ADGRB3: variants seen among roughly 807,000 people sequenced by gnomAD.
The protein encoded by ADGRB3 is adhesion G protein-coupled receptor B3.
ADGRB3 carries 37 observed loss-of-function variants against 193.4 expected under a neutral mutation model. The ratio of observed to expected loss-of-function variants is 0.19; its 90% CI spans 0.15 to 0.25. ADGRB3 has a LOEUF of 0.25. Among genes scored for constraint, ADGRB3 ranks in the 10% least tolerant of loss-of-function variants. The probability of loss-of-function intolerance (pLI) is 1.00; values close to 1 mark genes in which losing one functional copy is unlikely to be tolerated. For missense variants in ADGRB3, 1,637 were observed against 1,852.9 expected (o/e 0.88, Z 2.14); for synonymous variants, 690 against 644.2 (o/e 1.07, Z -1.08).
At chr6:69,077,787 T>G (rs1280002220) in intron 17 of ADGRB3, among the ~76,000 whole-genome samples, 1 of 151,908 alleles carries the variant, frequency 6.6e-6, no homozygotes, top group Admixed American at 6.6e-5. Context: ...GGAGAGGAAA[T>G]GTGTTTAGTT....
At chr6:68,661,429 A>G (rs368887224) in intron 3 of ADGRB3, among the ~76,000 whole-genome samples, 2 of 106,448 alleles carry the variant, frequency 1.9e-5, no homozygotes, top group South Asian at 3.2e-4. Context: ...ATATATGTGT[A>G]TACATATATA....
At chr6:68,822,453 T>A (rs1340109630) in intron 3 of ADGRB3, among the ~76,000 whole-genome samples, 1 of 151,968 alleles carries the variant, frequency 6.6e-6, no homozygotes, top group East Asian at 1.9e-4. Context: ...TTGTTCCACT[T>A]GAAATACCTA....
At chr6:68,821,784 T>A (rs1767752415) in intron 3 of ADGRB3, among the ~76,000 whole-genome samples, 1 of 151,960 alleles carries the variant, frequency 6.6e-6, no homozygotes, top group African/African-American at 2.4e-5. Context: ...TTTACACATT[T>A]CTTACATGTA....
chr6:69,085,560 C>T (rs533619403), intron 17 of ADGRB3, among the ~76,000 whole-genome samples: 1 of 151,716 alleles, frequency 6.6e-6, no homozygotes, highest in South Asian at 2.1e-4. Flanking sequence ...ATTTGAATGA[C>T]TCAGACTAAT....
chr6:68,666,703 A>G (rs1287112282), intron 3 of ADGRB3, among the ~76,000 whole-genome samples: 2 of 151,884 alleles, frequency 1.3e-5, no homozygotes, highest in Admixed American at 6.6e-5. Context: ...GTCATTAACT[A>G]TTTTTATTTC....
chr6:69,190,076 A>G (rs778657398), intron 17 of ADGRB3, among the ~76,000 whole-genome samples: 3 of 152,136 alleles, frequency 2.0e-5, no homozygotes, highest in Non-Finnish European at 4.4e-5. Context: ...ATATTTCATA[A>G]TGATAATAAA....
chr6:69,029,898 G>T (rs1319324678), intron 13 of ADGRB3, among the ~76,000 whole-genome samples: 1 of 149,420 alleles, frequency 6.7e-6, no homozygotes, highest in African/African-American at 2.5e-5. Context: ...AGTGGGCAAA[G>T]GATATGAACA....
intron 3 of ADGRB3, among the ~76,000 whole-genome samples, chr6:68,651,758 G>A (rs1768371732): frequency 6.6e-6 from 1 of 152,124 alleles, no homozygotes; most frequent in South Asian, 2.1e-4. Flanking sequence ...TGGGCAGAAA[G>A]CCTAAAGCCG....
chr6:69,194,260 G>T (rs1008079691), intron 17 of ADGRB3, among the ~76,000 whole-genome samples: 1 of 152,100 alleles, frequency 6.6e-6, no homozygotes, highest in Non-Finnish European at 1.5e-5. Flanking sequence ...AAATGAGAGC[G>T]TGTGGGGTTT....
intron 3 of ADGRB3, among the ~76,000 whole-genome samples, chr6:68,658,885 T>A (rs1768555036): frequency 6.6e-6 from 1 of 151,190 alleles, no homozygotes; most frequent in African/African-American, 2.4e-5. Flanking sequence ...TATCTTTTAA[T>A]GATTTTAAGT....
At chr6:68,839,174 G>T (rs1043358612) in intron 3 of ADGRB3, among the ~76,000 whole-genome samples, 1 of 151,766 alleles carries the variant, frequency 6.6e-6, no homozygotes, top group Non-Finnish European at 1.5e-5. Context: ...TTAGAAATGT[G>T]GTCCTCATTG....
intron 4 of ADGRB3, among the ~76,000 whole-genome samples, chr6:68,931,946 G>A (rs1767349098): frequency 6.6e-6 from 1 of 152,072 alleles, no homozygotes; most frequent in Admixed American, 6.6e-5. Flanking sequence ...TCTTGTTTAA[G>A]AAAAATTGAT....
rs112269555 is a variant in ADGRB3, at chr6:69,115,610, TAAAG to T, written c.2480+39580_2480+39583del. 3.9e-5 allele frequency among the ~76,000 whole-genome samples: 6 copies of T among 151,974 alleles called. No homozygotes were observed. In the South Asian group the frequency reaches 6.2e-4, roughly 16 times the overall value. ...TAAAGTATAATAAAAATAAATTAAA[TAAAG>T]AAAGAAATAAATAAAATTGGCAAAC... On this transcript the variant is annotated intron_variant, in intron 17 of 31. Transcript: ENST00000370598.
At chr6:69,025,842 A>T (rs1770417455) in intron 13 of ADGRB3, among the ~76,000 whole-genome samples, 1 of 152,172 alleles carries the variant, frequency 6.6e-6, no homozygotes, top group African/African-American at 2.4e-5. Context: ...ATTTACTAGG[A>T]TCCTCTAATT....
intron 3 of ADGRB3, among the ~76,000 whole-genome samples, chr6:68,783,058 A>G (rs1766888434): frequency 7.6e-6 from 1 of 131,750 alleles, no homozygotes; most frequent in Non-Finnish European, 1.7e-5. Context: ...ACTACCAGCT[A>G]ATATTTATGG....
chr6:68,761,442 T>C (rs1766392806), intron 3 of ADGRB3, among the ~76,000 whole-genome samples: 1 of 151,434 alleles, frequency 6.6e-6, no homozygotes, highest in Non-Finnish European at 1.5e-5. Context: ...TAAATTAGGC[T>C]TCTACAGTTA....
intron 17 of ADGRB3, among the ~76,000 whole-genome samples, chr6:69,139,093 A>G (rs1254628026): frequency 6.6e-6 from 1 of 152,060 alleles, no homozygotes; most frequent in Non-Finnish European, 1.5e-5. Flanking sequence ...CTATTTTCAT[A>G]CCCCTTCACC....
intron 17 of ADGRB3, among the ~76,000 whole-genome samples, chr6:69,120,930 A>T (rs1222137765): frequency 6.6e-6 from 1 of 151,654 alleles, no homozygotes; most frequent in African/African-American, 2.4e-5. Context: ...AAAGAGAAAC[A>T]TGTATTTTTA....
chr6:69,314,344 T>G (rs1336867794), intron 20 of ADGRB3, among the ~76,000 whole-genome samples: 1 of 151,724 alleles, frequency 6.6e-6, no homozygotes. Flanking sequence ...TGATAGTTAT[T>G]GTTTGAGATA....
Sources: allele counts gnomAD v4.1 joint callset (sites outside exome capture counted in the v4.1 genomes callset), GRCh38; gene constraint gnomAD v4.1.1; transcripts MANE v1.5; gene names NCBI Gene and HGNC (gene_info 2026-07-23, HGNC 2026-07-21).